The following FBXO31 variants were observed in gnomAD, a reference collection of about 807,000 sequenced individuals.
FBXO31 encodes the protein F-box only protein 31.
FBXO31 carries 24 observed loss-of-function variants against 54.4 expected under a neutral mutation model. The ratio of observed to expected loss-of-function variants is 0.44; its 90% CI spans 0.32 to 0.62. The LOEUF (loss-of-function observed/expected upper bound fraction) is 0.62, where lower values mean the gene tolerates loss of function less well. FBXO31 is among the 20% of genes least tolerant of loss of function. The pLI is 0.05. For synonymous variants in FBXO31, 388 were observed against 335.6 expected, an observed-to-expected ratio of 1.16 and a Z score of -1.71; for missense variants, 665 against 787.1, an observed-to-expected ratio of 0.84 and a Z score of 1.86.
At chr16:87,337,986 G>T (rs1284432778) in intron 5 of FBXO31, among the ~76,000 whole-genome samples, 1 of 152,142 alleles carries the variant, frequency 6.6e-6, no homozygotes, top group Non-Finnish European at 1.5e-5. Context: ...CTTGAGGAAA[G>T]GCTCTTTAAA....
chr16:87,374,822 T>C (rs1381536528), intron 1 of FBXO31, among the ~76,000 whole-genome samples: 1 of 152,220 alleles, frequency 6.6e-6, no homozygotes, highest in Non-Finnish European at 1.5e-5. Context: ...AATATTTTTA[T>C]TCAGAATGAT....
At position 87,338,036 on chromosome 16, in the gene FBXO31, A is replaced by G. The variant is rs953457213; in HGVS notation, c.733-1772T>C. Among the ~76,000 whole-genome samples the G allele has an allele frequency of 6.6e-6, 1 of 152,198 alleles. No individual in the cohort carries two copies. The highest frequency in any genetic ancestry group is 2.4e-5 in the African/African-American group (1 of 41,444). ...AAAAGTAACTGAATGTAATGAACAA[A>G]GATTTCAATGTTACCGCTGTGAGTA... On this transcript the variant is annotated intron_variant, in intron 5 of 8. Transcript: ENST00000311635. The surrounding 1 kb of genome is among the most constrained non-coding windows in gnomAD (Gnocchi z 4.3).
At position 87,335,170 on chromosome 16, in the gene FBXO31, C is replaced by T. The variant is rs1412923364; in HGVS notation, c.996+134G>A. 1.1e-5 allele frequency: 14 copies of T among 1,280,852 alleles called. No homozygotes were observed. Among genetic ancestry groups the T allele is most frequent in the East Asian group, 7.0e-5 (3 of 42,860 alleles). 79.3% of individuals were successfully genotyped at this position (1,280,852 alleles called of 1,614,324 possible). A position where few individuals can be genotyped will look rare whatever the true frequency, so the allele number is the denominator to read the frequency against. On this transcript the variant is annotated intron_variant, in intron 7 of 8. Transcript: ENST00000311635. This position sits in a 1 kb window ranked among gnomAD's most constrained non-coding sequence, Gnocchi z 5.7. ...CCGAGAATCTGCTTTCCCAAGCTCC[C>T]GGGGCTGCAGGTGCAAGCCCACTCT...
Position 87,336,053 on chromosome 16 carries a change from ACT to A in FBXO31, c.842+100_842+101del, listed in dbSNP as rs1329453246. ...GAGAGAGGGCTGAACCCCAGCACCC[ACT>A]GAGACAAAGGACTATGCCCCAGCAC... On this transcript the variant is annotated intron_variant, in intron 6 of 8. Coordinates refer to ENST00000311635, the MANE Select transcript of FBXO31 (RefSeq NM_024735.5). This position sits in a 1 kb window ranked among gnomAD's most constrained non-coding sequence, Gnocchi z 6.5. The A allele has an allele frequency of 3.3e-6, 3 of 909,734 alleles. No individual in the cohort carries two copies. The highest frequency in any genetic ancestry group is 5.1e-6 in the Non-Finnish European group (3 of 587,632). The allele number at this position is 909,734 out of a possible 1,614,324, so 56.4% of individuals were successfully genotyped here.
intron 8 of FBXO31, among the ~76,000 whole-genome samples, chr16:87,331,980 G>A (rs568354667): frequency 6.6e-6 from 1 of 152,358 alleles, no homozygotes; most frequent in African/African-American, 2.4e-5. Context: ...GCCTGCAGCT[G>A]ACATTAACTC....
At chr16:87,341,724 T>TA (rs1456288424) in intron 5 of FBXO31, among the ~76,000 whole-genome samples, 1 of 144,396 alleles carries the variant, frequency 6.9e-6, no homozygotes, top group African/African-American at 2.6e-5. Flanking sequence ...TTTCTGTATA[T>TA]AAAATCAAAT....
chr16:87,380,942 T>C (rs1469022835), intron 1 of FBXO31, among the ~76,000 whole-genome samples: 2 of 152,258 alleles, frequency 1.3e-5, no homozygotes, highest in Non-Finnish European at 2.9e-5. Flanking sequence ...ACAAAAAACC[T>C]TGTTATCCCT....
At position 87,329,658 on chromosome 16, in the gene FBXO31, G is replaced by C. The variant is rs936927310; in HGVS notation, c.*1630C>G. On this transcript the variant is annotated 3_prime_UTR_variant, in exon 9 of 9. Coordinates refer to ENST00000311635, the MANE Select transcript of FBXO31 (RefSeq NM_024735.5). ...TGCTGCAAAAGCCGCTAGAAACTGG[G>C]GCCACACACAAGAGCCAGCAGGTGC... is the stretch of plus-strand genomic sequence containing the variant. 4 of 152,244 alleles carry C rather than the reference G, an allele frequency of 2.6e-5. No individual in the cohort carries two copies. The highest frequency in any genetic ancestry group is 4.4e-5 in the Non-Finnish European group (3 of 68,046). The allele number at this position is 152,244 out of a possible 1,614,324, so 9.4% of individuals were successfully genotyped here. A position where few individuals can be genotyped will look rare whatever the true frequency, so the allele number is the denominator to read the frequency against.
intron 1 of FBXO31, among the ~76,000 whole-genome samples, chr16:87,363,516 T>G (rs1023850441): frequency 2.1e-4 from 32 of 152,240 alleles, no homozygotes; most frequent in African/African-American, 7.0e-4. Flanking sequence ...AAGAATTTCT[T>G]AAGTGAAAAT....
chr16:87,333,766 C>T, intron 8 of FBXO31, 120 bp downstream of exon 8: 1 of 1,423,516 alleles, frequency 7.0e-7, no homozygotes, highest in Non-Finnish European at 9.5e-7. Flanking sequence ...TCCCAAAGCA[C>T]CGGCTGCCGC....
At chr16:87,390,208 G>A (rs914416446), upstream of FBXO31, among the ~76,000 whole-genome samples, 1 of 152,096 alleles carries the variant, frequency 6.6e-6, no homozygotes, top group African/African-American at 2.4e-5. Flanking sequence ...CTGAACCCGG[G>A]AGGTGGAGGT....
At chr16:87,387,273 C>T (rs75990569), upstream of FBXO31, among the ~76,000 whole-genome samples, 311 of 152,232 alleles carry the variant, frequency 2.0e-3, 1 homozygote, top group African/African-American at 7.1e-3. Context: ...CCTTGGAACA[C>T]GTTTACAATC....
At chr16:87,349,730 G>A (rs1000293156) in intron 2 of FBXO31, among the ~76,000 whole-genome samples, 2 of 150,004 alleles carry the variant, frequency 1.3e-5, no homozygotes, top group Non-Finnish European at 3.0e-5. Context: ...AAAATCAACT[G>A]GATCAGCTAT....
At chr16:87,350,151 G>A (rs1419205922) in intron 2 of FBXO31, among the ~76,000 whole-genome samples, 1 of 152,064 alleles carries the variant, frequency 6.6e-6, no homozygotes, top group Non-Finnish European at 1.5e-5. Context: ...GGGCCATGGG[G>A]GTTTCGGAGC....
intron 2 of FBXO31, among the ~76,000 whole-genome samples, chr16:87,348,393 G>T (rs887791366): frequency 6.6e-6 from 1 of 152,212 alleles, no homozygotes; most frequent in Non-Finnish European, 1.5e-5. Context: ...CATTCGGGAA[G>T]CCTTACCCAT....
Position 87,360,380 on chromosome 16 carries a change from C to T in FBXO31, c.341-14G>A. On this transcript the variant is annotated splice_polypyrimidine_tract_variant and intron_variant, in intron 1 of 8. Coordinates refer to ENST00000311635, the MANE Select transcript of FBXO31 (RefSeq NM_024735.5). Reference sequence around the variant, plus strand: ...AAACACCATACTCTGTAACAAGAAACATTTGCAGAAATTTAAGATCAACAA... The same window carrying T: ...AAACACCATACTCTGTAACAAGAAATATTTGCAGAAATTTAAGATCAACAA... The T allele has an allele frequency of 6.2e-7, 1 of 1,613,434 alleles. No individual in the cohort carries two copies. Among genetic ancestry groups the T allele is most frequent in the Non-Finnish European group, 8.5e-7 (1 of 1,179,590 alleles).
chr16:87,331,278 A>T lies in FBXO31; in HGVS notation c.*10T>A. ...AGCCACCCGGGATGTGGCGGCAAGG[A>T]TGTGGCCGGTCAGGAGGTGAGGGAC... On this transcript the variant is annotated 3_prime_UTR_variant, in exon 9 of 9. Coordinates refer to ENST00000311635, the MANE Select transcript of FBXO31 (RefSeq NM_024735.5). 2 of 1,610,936 alleles carry T rather than the reference A, an allele frequency of 1.2e-6. No individual in the cohort carries two copies. The highest frequency in any genetic ancestry group is 8.5e-7 in the Non-Finnish European group (1 of 1,177,498).
At chr16:87,360,707 G>A (rs1412222743) in intron 1 of FBXO31, among the ~76,000 whole-genome samples, 3 of 152,250 alleles carry the variant, frequency 2.0e-5, no homozygotes, top group African/African-American at 7.2e-5. Flanking sequence ...TCTGGACACA[G>A]TGCCATGTTT....
upstream of FBXO31, among the ~76,000 whole-genome samples, chr16:87,384,606 T>C (rs1907261330): frequency 6.6e-6 from 1 of 152,210 alleles, no homozygotes; most frequent in Non-Finnish European, 1.5e-5. Flanking sequence ...AGGCGTCCTC[T>C]CACCTGAGCA....
Sources: allele counts gnomAD v4.1 joint callset (sites outside exome capture counted in the v4.1 genomes callset), GRCh38; gene constraint gnomAD v4.1.1; non-coding constraint Gnocchi (gnomAD v3.1); transcripts MANE v1.5; gene names NCBI Gene and HGNC (gene_info 2026-07-23, HGNC 2026-07-21).